SLC10A7: variants seen among roughly 807,000 people sequenced by gnomAD.
SLC10A7 encodes the protein sodium/bile acid cotransporter 7.
A neutral mutation model predicts 43.2 loss-of-function variants in SLC10A7; 29 were observed. The ratio of observed to expected loss-of-function variants is 0.67; its 90% CI spans 0.50 to 0.92. SLC10A7 has a LOEUF of 0.92. SLC10A7 is among the 40% of genes least tolerant of loss of function. SLC10A7 has a pLI of 0.00. For missense variants in SLC10A7, 295 were observed against 403.2 expected (o/e 0.73, Z 2.30); for synonymous variants, 152 against 144.8 (o/e 1.05, Z -0.35).
At chr4:146,515,307 C>G (rs1737844094) in intron 2 of SLC10A7, among the ~76,000 whole-genome samples, 1 of 152,202 alleles carries the variant, frequency 6.6e-6, no homozygotes, top group Non-Finnish European at 1.5e-5. Context: ...CCAAGGTCAG[C>G]AGGAAGACCT....
At chr4:146,398,304 C>T (rs572983134) in intron 5 of SLC10A7, among the ~76,000 whole-genome samples, 1 of 152,252 alleles carries the variant, frequency 6.6e-6, no homozygotes, top group East Asian at 1.9e-4. Flanking sequence ...CGTATATACA[C>T]ACATTTATAC....
At chr4:146,462,541 A>C (rs1732634446) in intron 4 of SLC10A7, among the ~76,000 whole-genome samples, 1 of 152,176 alleles carries the variant, frequency 6.6e-6, no homozygotes, top group Admixed American at 6.6e-5. Context: ...TTTGACTCTA[A>C]TATGCTATGT....
At chr4:146,518,534 G>C (rs1360994277) in intron 1 of SLC10A7, among the ~76,000 whole-genome samples, 1 of 152,078 alleles carries the variant, frequency 6.6e-6, no homozygotes, top group Non-Finnish European at 1.5e-5. Context: ...CAGTCTTCTT[G>C]TACTAGATTA....
At chr4:146,502,023 C>T in intron 4 of SLC10A7, among the ~76,000 whole-genome samples, 1 of 152,174 alleles carries the variant, frequency 6.6e-6, no homozygotes, top group Middle Eastern at 3.4e-3. Context: ...GAGATATATC[C>T]AGAATATATA....
intron 5 of SLC10A7, among the ~76,000 whole-genome samples, chr4:146,374,017 A>G (rs1736981736): frequency 6.6e-6 from 1 of 152,222 alleles, no homozygotes; most frequent in African/African-American, 2.4e-5. Flanking sequence ...ACATGAAGCA[A>G]AAACTGCCAT....
chr4:146,420,504 GT>G (rs1287119438), intron 5 of SLC10A7, among the ~76,000 whole-genome samples: 1 of 152,130 alleles, frequency 6.6e-6, no homozygotes, highest in Non-Finnish European at 1.5e-5. Flanking sequence ...GATCACCAGA[GT>G]TTGCTTCAAA....
chr4:146,315,141 G>A (rs1369440228), intron 6 of SLC10A7, among the ~76,000 whole-genome samples: 1 of 152,088 alleles, frequency 6.6e-6, no homozygotes, highest in Non-Finnish European at 1.5e-5. Context: ...GTAGAGAACA[G>A]GAGTCCACAG....
At chr4:146,370,172 T>C (rs1736669982) in intron 5 of SLC10A7, among the ~76,000 whole-genome samples, 1 of 152,166 alleles carries the variant, frequency 6.6e-6, no homozygotes, top group Non-Finnish European at 1.5e-5. Flanking sequence ...CCACTGTAGA[T>C]TTACAGTCAC....
chr4:146,338,597 T>G (rs1734050054), intron 5 of SLC10A7, among the ~76,000 whole-genome samples: 1 of 151,972 alleles, frequency 6.6e-6, no homozygotes, highest in South Asian at 2.1e-4. Flanking sequence ...CTTTACAAAC[T>G]GAAAAGTTGA....
At chr4:146,407,595 G>T (rs1041069854) in intron 5 of SLC10A7, among the ~76,000 whole-genome samples, 1 of 152,132 alleles carries the variant, frequency 6.6e-6, no homozygotes, top group African/African-American at 2.4e-5. Flanking sequence ...TAACAAATAC[G>T]TATTTATTCA....
chr4:146,344,883 T>C lies in SLC10A7; in HGVS notation c.436-18887A>G, dbSNP rs79136710. ...TTAAATGAATTAATAATTTTCCAGC[T>C]TTAATTTCAAATGTGATCAATAGAT... On this transcript the variant is annotated intron_variant, in intron 5 of 11. Transcript: ENST00000335472. Among the ~76,000 whole-genome samples, 623 of 152,286 alleles carry C rather than the reference T, an allele frequency of 4.1e-3. 3 individuals are homozygous for C. The highest frequency in any genetic ancestry group is 0.014 in the African/African-American group (592 of 41,566).
intron 4 of SLC10A7, among the ~76,000 whole-genome samples, chr4:146,495,766 A>AACAC (rs57202992): frequency 0.16 from 22,742 of 139,416 alleles, 1,849 homozygotes; most frequent in East Asian, 0.19. Flanking sequence ...GATGAAAGTA[A>AACAC]ACACACACAC....
chr4:146,430,579 C>A (rs1441594883), intron 5 of SLC10A7, among the ~76,000 whole-genome samples: 1 of 152,126 alleles, frequency 6.6e-6, no homozygotes, highest in African/African-American at 2.4e-5. Context: ...TGTACACCAA[C>A]TACTGTTATA....
At chr4:146,472,436 G>GTTTTTTTTTTTTTTTTTT (rs5862760) in intron 4 of SLC10A7, among the ~76,000 whole-genome samples, 1 of 128,942 alleles carries the variant, frequency 7.8e-6, no homozygotes, top group Non-Finnish European at 1.6e-5. Flanking sequence ...GGCTTATTCT[G>GTTTTTTTTTTTTTTTTTT]TTTTTTTTTT....
In SLC10A7 at chr4:146,517,040, C is replaced by A. The variant is rs769904925; in HGVS notation, c.181G>T (p.Glu61Ter). 2 of 1,595,464 alleles carry A rather than the reference C, an allele frequency of 1.3e-6. No homozygotes were observed. Among genetic ancestry groups the A allele is most frequent in the Admixed American group, 3.4e-5 (2 of 58,200 alleles). ...FFNSGLSLKTEELTSALVHLK... is the reference protein window; with the variant it reads ...FFNSGLSLKT ...ATGTGTCCCATAGATGACAGTACCT[C>A]TGTTTTCAATGATAGTCCACTGTTA... is the stretch of plus-strand genomic sequence containing the variant. The change falls in exon 2 of 12, where the codon GAG (glutamate) becomes TAG (stop). Residue 61 changes from glutamate to a stop codon, truncating the protein, a stop_gained and splice_region_variant. Coordinates refer to ENST00000335472, the MANE Select transcript of SLC10A7 (RefSeq NM_001029998.6). LOFTEE classifies it high-confidence loss of function.
chr4:146,294,825 G>C (rs1417183860), intron 7 of SLC10A7, among the ~76,000 whole-genome samples: 1 of 152,124 alleles, frequency 6.6e-6, no homozygotes, highest in Admixed American at 6.5e-5. Context: ...TTTAAAATCA[G>C]GTCATCTGAA....
chr4:146,273,688 T>C (rs1729033588), intron 10 of SLC10A7, among the ~76,000 whole-genome samples: 1 of 152,090 alleles, frequency 6.6e-6, no homozygotes, highest in Non-Finnish European at 1.5e-5. Context: ...AATTTAGCAG[T>C]CTACCAGGAC....
chr4:146,258,018 A>C (rs1727986165), intron 11 of SLC10A7, among the ~76,000 whole-genome samples: 1 of 152,220 alleles, frequency 6.6e-6, no homozygotes, highest in Admixed American at 6.5e-5. Flanking sequence ...TGTCCAAATC[A>C]CTGGGAAGGA....
intron 10 of SLC10A7, among the ~76,000 whole-genome samples, chr4:146,267,226 C>T (rs1728615579): frequency 6.6e-6 from 1 of 152,100 alleles, no homozygotes; most frequent in South Asian, 2.1e-4. Context: ...AAAAGAAAGG[C>T]CACCTCCTTA....
Sources: allele counts gnomAD v4.1 joint callset (sites outside exome capture counted in the v4.1 genomes callset), GRCh38; gene constraint gnomAD v4.1.1; transcripts MANE v1.5; gene names NCBI Gene and HGNC (gene_info 2026-07-23, HGNC 2026-07-21).